Variants in HERC1 observed in about 807,000 individuals in gnomAD.
HERC1 encodes the protein HECT and RLD domain containing E3 ubiquitin protein ligase family member 1, also known as probable E3 ubiquitin-protein ligase HERC1.
HERC1 carries 160 observed loss-of-function variants against 554.3 expected under a neutral mutation model. The observed-to-expected ratio is 0.29, with a 90% CI of 0.25 to 0.33. The LOEUF (loss-of-function observed/expected upper bound fraction) is 0.33, where lower values mean the gene tolerates loss of function less well. Among genes scored for constraint, HERC1 ranks in the 10% least tolerant of loss-of-function variants. The pLI is 1.00. For missense variants in HERC1, 4,919 were observed against 5,918.5 expected, an observed-to-expected ratio of 0.83 and a Z score of 5.54; for synonymous variants, 2,175 against 2,131.7, an observed-to-expected ratio of 1.02 and a Z score of -0.56.
Position 63,725,409 on chromosome 15 carries a change from G to C in HERC1, c.3451C>G (p.Arg1151Gly). 6.2e-7 allele frequency: 1 copy of C among 1,613,714 alleles called. No homozygotes were observed. Among genetic ancestry groups the C allele is most frequent in the Non-Finnish European group, 8.5e-7 (1 of 1,179,808 alleles). ...LERTIALLIG[R>G]CLGGMLQGSP... ...CCCTGAAGCATGCCACCAAGACACC[G>C]CCCAATAAGGAGAGCAATTGTTCTT... The change falls in exon 18 of 78, where the codon CGG becomes GGG. Residue 1151 changes from arginine to glycine, a missense_variant. Coordinates refer to ENST00000443617, the MANE Select transcript of HERC1 (RefSeq NM_003922.4).
chr15:63,771,679 C>T (rs1218412804), intron 2 of HERC1, among the ~76,000 whole-genome samples: 1 of 151,876 alleles, frequency 6.6e-6, no homozygotes, highest in African/African-American at 2.4e-5. Flanking sequence ...GTGATCTGCC[C>T]GCCTCGGCCT....
At chr15:63,792,012 T>A (rs2076667464) in intron 1 of HERC1, among the ~76,000 whole-genome samples, 1 of 152,204 alleles carries the variant, frequency 6.6e-6, no homozygotes. Flanking sequence ...AATTGATAAC[T>A]GATTTAATTT....
At chr15:63,809,158 T>C (rs955404298) in intron 1 of HERC1, among the ~76,000 whole-genome samples, 1 of 152,116 alleles carries the variant, frequency 6.6e-6, no homozygotes, top group Non-Finnish European at 1.5e-5. Flanking sequence ...GAAATAGGGA[T>C]GGAGGGGGAA....
chr15:63,641,730 G>C lies in HERC1; in HGVS notation c.11434-87C>G, dbSNP rs2069072720. The stretch of plus-strand genomic sequence containing the variant: ...CATTTAATCTGCGAAATTCCTTCTA[G>C]TAACTGGGACATCTTTGCTTTTTGG... On this transcript the variant is annotated intron_variant, in intron 59 of 77. Coordinates refer to ENST00000443617, the MANE Select transcript of HERC1 (RefSeq NM_003922.4). The C allele has an allele frequency of 3.6e-6, 4 of 1,110,316 alleles. No homozygotes were observed. In the South Asian group the frequency reaches 6.0e-5, roughly 17 times the overall value. 68.8% of individuals were successfully genotyped at this position (1,110,316 alleles called of 1,614,324 possible). A position where few individuals can be genotyped will look rare whatever the true frequency, so the allele number is the denominator to read the frequency against.
At chr15:63,617,332 A>T (rs1422917456) in intron 74 of HERC1, among the ~76,000 whole-genome samples, 1 of 152,202 alleles carries the variant, frequency 6.6e-6, no homozygotes, top group East Asian at 1.9e-4. Flanking sequence ...CCTACATGAC[A>T]TGAACTCATC....
rs781322566 is a variant in HERC1, at chr15:63,664,611, G to A, written c.8556-17C>T. On this transcript the variant is annotated splice_polypyrimidine_tract_variant and intron_variant, in intron 42 of 77. Coordinates refer to ENST00000443617, the MANE Select transcript of HERC1 (RefSeq NM_003922.4). ...TTATCAGGGCTACAAGTGCAAGTGA[G>A]AAAGCAACACAAAGTTTTTGAAACC... is the stretch of plus-strand genomic sequence containing the variant. The A allele has an allele frequency of 6.2e-6, 10 of 1,606,808 alleles. No homozygotes were observed. The South Asian group carries it at 1.0e-4, about 16-fold the overall frequency.
intron 24 of HERC1, among the ~76,000 whole-genome samples, chr15:63,711,523 G>A (rs1001935058): frequency 6.6e-6 from 1 of 152,160 alleles, no homozygotes; most frequent in Admixed American, 6.5e-5. Flanking sequence ...ACAATGAAAC[G>A]TAAAGACACT....
rs7177972 is a variant in HERC1, at chr15:63,665,286, C to G, written c.8555+633G>C. Among the ~76,000 whole-genome samples, 714 of 152,270 alleles carry G rather than the reference C, an allele frequency of 4.7e-3. 10 individuals carry two copies. The highest frequency in any genetic ancestry group is 0.017 in the African/African-American group (686 of 41,552). ...CGGTGGCTCATGCCTGTAATCCCAG[C>G]ACTTTGGAAGACCAAGGTGGGTGGA... On this transcript the variant is annotated intron_variant, in intron 42 of 77. Transcript: ENST00000443617.
Position 63,774,813 on chromosome 15 carries a change from C to A in HERC1, c.811G>T (p.Ala271Ser). 1 of 1,613,988 alleles carries A rather than the reference C, an allele frequency of 6.2e-7. No individual in the cohort carries two copies. The highest frequency in any genetic ancestry group is 8.5e-7 in the Non-Finnish European group (1 of 1,179,886). The change falls in exon 2 of 78, where the codon GCT (alanine) becomes TCT (serine). Residue 271 changes from alanine to serine, a missense_variant. Ala to Ser is a moderately conservative substitution (Grantham distance 99). Transcript: ENST00000443617. ...LRYLLEWIEM[A>S]LGASAVVHTM... ...TGTACAACTGCCGAAGCCCCCAAAG[C>A]CATTTCTATCCATTCAAGAAGATAT...
Position 63,677,825 on chromosome 15 carries a change from T to C in HERC1, c.7070+20A>G. ...CCATTAAATATTTGTTTGCTAAAAGTGTAACTCAACAGATCATACCTGATA... is the reference window on the plus strand; with the variant it reads ...CCATTAAATATTTGTTTGCTAAAAGCGTAACTCAACAGATCATACCTGATA... On this transcript the variant is annotated intron_variant, in intron 37 of 77. Coordinates refer to ENST00000443617, the MANE Select transcript of HERC1 (RefSeq NM_003922.4). This position sits in a 1 kb window ranked among gnomAD's most constrained non-coding sequence, Gnocchi z 4.4. The C allele has an allele frequency of 6.3e-7, 1 of 1,596,296 alleles. No individual in the cohort carries two copies. Among genetic ancestry groups the C allele is most frequent in the South Asian group, 1.1e-5 (1 of 89,016 alleles).
intron 1 of HERC1, among the ~76,000 whole-genome samples, chr15:63,816,854 T>C (rs1400186182): frequency 1.3e-5 from 2 of 152,174 alleles, no homozygotes; most frequent in Non-Finnish European, 2.9e-5. Context: ...TTGCAATCAC[T>C]GATGAATTAA....
chr15:63,756,497 C>T lies in HERC1; in HGVS notation c.1473G>A (p.Gly491=), dbSNP rs750825759. The change falls in exon 5 of 78, where the codon GGG becomes GGA. Residue 491 remains glycine (G), a synonymous_variant. Coordinates refer to ENST00000443617, the MANE Select transcript of HERC1 (RefSeq NM_003922.4). The surrounding 1 kb of genome is among the most constrained non-coding windows in gnomAD (Gnocchi z 5.0). The stretch of plus-strand genomic sequence containing the variant: ...ATTTCTGTGTTGAACTATTTCCATG[C>T]CCCAGTTTCCCATAATCACCATCTC... ...SWGDGDYGKL[G]HGNSSTQKYP... is the part of the protein sequence containing the mutation. The T allele has an allele frequency of 3.8e-5, 61 of 1,613,814 alleles. No homozygotes were observed. The highest frequency in any genetic ancestry group is 4.9e-5 in the Non-Finnish European group (58 of 1,179,844).
At position 63,622,326 on chromosome 15, in the gene HERC1, C is replaced by CTTT. The variant is rs35490295; in HGVS notation, c.13688+486_13688+488dup. Among the ~76,000 whole-genome samples the CTTT allele has an allele frequency of 3.5e-3, 406 of 117,558 alleles. 12 individuals are homozygous for CTTT. The highest frequency in any genetic ancestry group is 5.5e-3 in the African/African-American group (167 of 30,572). 77.1% of individuals were successfully genotyped at this position (117,558 alleles called of 152,430 possible). On this transcript the variant is annotated intron_variant, in intron 74 of 77. Coordinates refer to ENST00000443617, the MANE Select transcript of HERC1 (RefSeq NM_003922.4). The stretch of plus-strand genomic sequence containing the variant: ...AAGTCTTGATGGAAGTGCCTGTTTC[C>CTTT]TTTTTTTTTTTTTTTTTTTGAGATG...
In HERC1 at chr15:63,758,118, T is replaced by C; in HGVS notation, c.1221+57A>G. The C allele has an allele frequency of 8.2e-7, 1 of 1,225,662 alleles. No individual in the cohort carries two copies. The highest frequency in any genetic ancestry group is 1.2e-6 in the Non-Finnish European group (1 of 861,876). 75.9% of individuals were successfully genotyped at this position (1,225,662 alleles called of 1,614,324 possible). The stretch of plus-strand genomic sequence containing the variant: ...AATACTCAGTATTATTTAATGCAAA[T>C]AAGCATGAATATACACCAGATTATC... On this transcript the variant is annotated intron_variant, in intron 4 of 77. Transcript: ENST00000443617. This position sits in a 1 kb window ranked among gnomAD's most constrained non-coding sequence, Gnocchi z 4.0.
intron 1 of HERC1, among the ~76,000 whole-genome samples, chr15:63,809,925 C>T (rs920627471): frequency 1.3e-5 from 2 of 152,064 alleles, no homozygotes; most frequent in Non-Finnish European, 2.9e-5. Context: ...AGCAATCCTG[C>T]CTCAGCCTCC....
intron 44 of HERC1, among the ~76,000 whole-genome samples, chr15:63,662,545 T>C (rs1310662271): frequency 6.6e-6 from 1 of 152,196 alleles, no homozygotes; most frequent in Admixed American, 6.5e-5. Context: ...ATGGAGGTAT[T>C]TACAAGATCT....
intron 1 of HERC1, among the ~76,000 whole-genome samples, chr15:63,787,990 CAAA>C (rs944447251): frequency 3.1e-5 from 4 of 129,508 alleles, no homozygotes; most frequent in African/African-American, 1.1e-4. Context: ...AAAGACAAAA[CAAA>C]ACAAAAAACC....
chr15:63,830,883 C>A (rs945927272), intron 1 of HERC1, among the ~76,000 whole-genome samples: 1 of 152,192 alleles, frequency 6.6e-6, no homozygotes, highest in African/African-American at 2.4e-5. Flanking sequence ...AAAATCGGAT[C>A]TGGCATCTAG....
intron 24 of HERC1, among the ~76,000 whole-genome samples, chr15:63,708,221 T>A (rs1246255913): frequency 6.6e-6 from 1 of 152,168 alleles, no homozygotes; most frequent in Non-Finnish European, 1.5e-5. Flanking sequence ...TGAGGACTCA[T>A]GGAAGAAAAC....
Sources: gnomAD v4.1 joint callset for allele counts (sites outside exome capture counted in the v4.1 genomes callset) on GRCh38, gnomAD v4.1.1 for gene constraint, Gnocchi (gnomAD v3.1) non-coding constraint, MANE v1.5 for transcripts, NCBI Gene and HGNC (gene_info 2026-07-23, HGNC 2026-07-21) for gene names.